TFF3: variants seen among roughly 807,000 people sequenced by gnomAD.
TFF3 encodes the protein polypeptide P1.B.
Under a neutral mutation model 9.7 loss-of-function variants are expected in TFF3, and 6 were observed. The ratio of observed to expected loss-of-function variants is 0.62; its 90% confidence interval spans 0.34 to 1.22. TFF3 has a LOEUF of 1.22. TFF3 is among the 50% of genes most tolerant of loss of function. The pLI is 0.04. For missense variants in TFF3, 93 were observed against 98.6 expected, an observed-to-expected ratio of 0.94 and a Z score of 0.24; for synonymous variants, 48 against 41.4, an observed-to-expected ratio of 1.16 and a Z score of -0.61.
rs2069342461 is a variant in TFF3, at chr21:42,313,549, C to T, written c.165G>A (p.Arg55=). 6.2e-7 allele frequency: 1 copy of T among 1,611,102 alleles called. No individual in the cohort carries two copies. Among genetic ancestry groups the T allele is most frequent in the African/African-American group, 1.3e-5 (1 of 74,896 alleles). The change falls in exon 2 of 3, where the codon CGG becomes CGA. Residue 55 remains arginine, a synonymous_variant. Coordinates refer to ENST00000518498, the MANE Select transcript of TFF3 (RefSeq NM_003226.4). This position sits in a 1 kb window ranked among gnomAD's most constrained non-coding sequence, Gnocchi z 4.0. ...PHVTPKECNN[R]GCCFDSRIPG... is the part of the protein sequence containing the mutation. ...GGATCCTGGAGTCAAAGCAGCAGCC[C>T]CGGTTGTTGCACTCCTTGGGGGTGA...
At chr21:42,314,021 A>G (rs989879881) in intron 1 of TFF3, among the ~76,000 whole-genome samples, 1 of 152,156 alleles carries the variant, frequency 6.6e-6, no homozygotes, top group Non-Finnish European at 1.5e-5. Context: ...GTTTTAAATG[A>G]AAACCGTGAC....
At chr21:42,314,797 A>G (rs1487182586) in intron 1 of TFF3, among the ~76,000 whole-genome samples, 1 of 152,184 alleles carries the variant, frequency 6.6e-6, no homozygotes, top group African/African-American at 2.4e-5. Flanking sequence ...TGCTCAGAAG[A>G]CACCCAGATA....
At chr21:42,312,961 C>G (rs934781918) in intron 2 of TFF3, among the ~76,000 whole-genome samples, 1 of 152,098 alleles carries the variant, frequency 6.6e-6, no homozygotes, top group Non-Finnish European at 1.5e-5. Flanking sequence ...GGGGAGGGAA[C>G]CCCCAGGGTG....
Position 42,313,095 on chromosome 21 carries a change from C to T in TFF3, c.229+390G>A, listed in dbSNP as rs763812862. 3.9e-5 allele frequency among the ~76,000 whole-genome samples: 6 copies of T among 152,094 alleles called. No homozygotes were observed. The highest frequency in any genetic ancestry group is 8.8e-5 in the Non-Finnish European group (6 of 67,998). Reference sequence around the variant, plus strand: ...GACGTCTAGGGCTGGGACCGCCTGCCGTCTGTGTAGGGGATGCCACAAATG... The same window carrying T: ...GACGTCTAGGGCTGGGACCGCCTGCTGTCTGTGTAGGGGATGCCACAAATG... On this transcript the variant is annotated intron_variant, in intron 2 of 2. Transcript: ENST00000518498. The surrounding 1 kb of genome is among the most constrained non-coding windows in gnomAD (Gnocchi z 4.0).
intron 1 of TFF3, 24 bp downstream of exon 1, chr21:42,315,269 C>T (rs1180999982): frequency 1.1e-5 from 18 of 1,600,484 alleles, no homozygotes; most frequent in African/African-American, 2.7e-5. Flanking sequence ...ACCCTGCCAC[C>T]GGGGCAGTCA....
Position 42,311,672 on chromosome 21 carries a change from G to A in TFF3, c.*584C>T, listed in dbSNP as rs1431538842. ...AGCAAACAAATACAAAAAAGTGCCT[G>A]TTTGTTCATAATGTTTACTGTACAA... On this transcript the variant is annotated 3_prime_UTR_variant, in exon 3 of 3. Transcript: ENST00000518498. 1 of 157,212 alleles carries A rather than the reference G, an allele frequency of 6.4e-6. No individual in the cohort carries two copies. The highest frequency in any genetic ancestry group is 1.4e-5 in the Non-Finnish European group (1 of 70,872). 9.7% of individuals were successfully genotyped at this position (157,212 alleles called of 1,614,324 possible). A position where few individuals can be genotyped will look rare whatever the true frequency, so the allele number is the denominator to read the frequency against.
In TFF3 at chr21:42,313,585, G is replaced by C; in HGVS notation, c.129C>G (p.Gly43=). 1 of 1,611,336 alleles carries C rather than the reference G, an allele frequency of 6.2e-7. No homozygotes were observed. Among genetic ancestry groups the C allele is most frequent in the Non-Finnish European group, 8.5e-7 (1 of 1,179,610 alleles). The change falls in exon 2 of 3, where the codon GGC becomes GGG. Residue 43 remains glycine (G), a synonymous_variant. Transcript: ENST00000518498. The surrounding 1 kb of genome is among the most constrained non-coding windows in gnomAD (Gnocchi z 4.0). ...ACTCCTTGGGGGTGACATGGGGGTA[G>C]CCGCAGTCCACCCTGTCCTTGGCTG... ...AVPAKDRVDC[G]YPHVTPKECN...
Position 42,313,429 on chromosome 21 carries a change from T to C in TFF3, c.229+56A>G, listed in dbSNP as rs888090317. On this transcript the variant is annotated intron_variant, in intron 2 of 2. Transcript: ENST00000518498. The surrounding 1 kb of genome is among the most constrained non-coding windows in gnomAD (Gnocchi z 4.0). ...CAGCCCAGAAAGGACAGGGAGGCCC[T>C]GAGACCCCCTGCCTTATGGGGCTGG... 1.3e-6 allele frequency: 2 copies of C among 1,550,814 alleles called. No individual in the cohort carries two copies. The highest frequency in any genetic ancestry group is 1.7e-6 in the Non-Finnish European group (2 of 1,150,074).
chr21:42,312,588 C>T (rs2069336924), intron 2 of TFF3, among the ~76,000 whole-genome samples: 2 of 152,184 alleles, frequency 1.3e-5, no homozygotes, highest in African/African-American at 4.8e-5. Context: ...CCAGACCCCT[C>T]TCTCTCCTGG....
rs1194165287 is a variant in TFF3 at position 42,313,983 on chromosome 21, T to G, written c.83-352A>C. 6.6e-6 allele frequency among the ~76,000 whole-genome samples: 1 copy of G among 152,194 alleles called. No individual in the cohort carries two copies. Among genetic ancestry groups the G allele is most frequent in the African/African-American group, 2.4e-5 (1 of 41,446 alleles). On this transcript the variant is annotated intron_variant, in intron 1 of 2. Transcript: ENST00000518498. The surrounding 1 kb of genome is among the most constrained non-coding windows in gnomAD (Gnocchi z 4.0). ...ACCCAGAAACAAAGTTACCCTTCATTGTTTGACCAACAAAACCTTGCCCCT... is the reference window on the plus strand; with the variant it reads ...ACCCAGAAACAAAGTTACCCTTCATGGTTTGACCAACAAAACCTTGCCCCT...
chr21:42,313,764 G>T lies in TFF3; in HGVS notation c.83-133C>A. Reference sequence around the variant, plus strand: ...GAGTTCAACCACTGCTGAAACCCTCGCCCTTAGGAAGATGCACTTTCCCTG... The same window carrying T: ...GAGTTCAACCACTGCTGAAACCCTCTCCCTTAGGAAGATGCACTTTCCCTG... On this transcript the variant is annotated intron_variant, in intron 1 of 2. Transcript: ENST00000518498. This position sits in a 1 kb window ranked among gnomAD's most constrained non-coding sequence, Gnocchi z 4.0. 2 of 1,039,252 alleles carry T rather than the reference G, an allele frequency of 1.9e-6. No homozygotes were observed. Among genetic ancestry groups the T allele is most frequent in the East Asian group, 2.9e-5 (1 of 33,956 alleles). 64.4% of individuals were successfully genotyped at this position (1,039,252 alleles called of 1,614,324 possible).
chr21:42,315,332 A>T lies in TFF3; in HGVS notation c.43T>A (p.Leu15Met). The change falls in exon 1 of 3, where the codon TTG becomes ATG. Residue 15 changes from leucine (L) to methionine (M), a missense_variant. Leu to Met is a conservative substitution (Grantham distance 15, BLOSUM62 2). Transcript: ENST00000518498. ...ALCMLGLVLA[L>M]LSSSSAEEYV... ...TCCTCAGCAGAGCTGGAGGACAGCA[A>T]GGCCAGGACCAGCCCCAGCATGCAG... The T allele has an allele frequency of 6.2e-7, 1 of 1,614,124 alleles. No individual in the cohort carries two copies. Among genetic ancestry groups the T allele is most frequent in the East Asian group, 2.2e-5 (1 of 44,882 alleles).
chr21:42,314,948 T>C (rs376598501), intron 1 of TFF3, among the ~76,000 whole-genome samples: 70 of 152,352 alleles, frequency 4.6e-4, no homozygotes, highest in African/African-American at 1.7e-3. Flanking sequence ...TCCTGCATCT[T>C]TCCTTTTTCT....
intron 2 of TFF3, among the ~76,000 whole-genome samples, chr21:42,312,799 G>C (rs574090040): frequency 1.9e-3 from 296 of 152,310 alleles, no homozygotes; most frequent in Middle Eastern, 6.8e-3. Flanking sequence ...TGCGGCCTTC[G>C]TGGGGGCTGA....
chr21:42,314,704 G>A (rs1195265193), intron 1 of TFF3, among the ~76,000 whole-genome samples: 1 of 152,174 alleles, frequency 6.6e-6, no homozygotes, highest in African/African-American at 2.4e-5. Flanking sequence ...TGATGTAACT[G>A]GTGTGCCCCA....
rs1371983138 is a variant in TFF3 at position 42,313,012 on chromosome 21, G to A, written c.229+473C>T. 3.3e-5 allele frequency among the ~76,000 whole-genome samples: 5 copies of A among 152,110 alleles called. No individual in the cohort carries two copies. The highest frequency in any genetic ancestry group is 2.9e-5 in the Non-Finnish European group (2 of 67,996). Reference sequence around the variant, plus strand: ...CCCTCCACCACGGCAGAGAGAGGGAGAGGAGATGACCCTTGTGGGGGGCAG... The same window carrying A: ...CCCTCCACCACGGCAGAGAGAGGGAAAGGAGATGACCCTTGTGGGGGGCAG... On this transcript the variant is annotated intron_variant, in intron 2 of 2. Coordinates refer to ENST00000518498, the MANE Select transcript of TFF3 (RefSeq NM_003226.4). This position sits in a 1 kb window ranked among gnomAD's most constrained non-coding sequence, Gnocchi z 4.0.
chr21:42,314,302 C>T (rs1490596135), intron 1 of TFF3, among the ~76,000 whole-genome samples: 2 of 152,176 alleles, frequency 1.3e-5, no homozygotes, highest in Non-Finnish European at 2.9e-5. Context: ...TCCGTAATTG[C>T]TTATCCTCCT....
Position 42,313,446 on chromosome 21 carries a change from T to G in TFF3, c.229+39A>C. 6.4e-7 allele frequency: 1 copy of G among 1,566,896 alleles called. No individual in the cohort carries two copies. The highest frequency in any genetic ancestry group is 1.2e-5 in the South Asian group (1 of 85,546). ...GGAGGCCCTGAGACCCCCTGCCTTA[T>G]GGGGCTGGGCCCAGACCACGATGCC... On this transcript the variant is annotated intron_variant, in intron 2 of 2. Transcript: ENST00000518498. This position sits in a 1 kb window ranked among gnomAD's most constrained non-coding sequence, Gnocchi z 4.0.
At chr21:42,314,564 A>G (rs2069348552) in intron 1 of TFF3, among the ~76,000 whole-genome samples, 2 of 152,224 alleles carry the variant, frequency 1.3e-5, no homozygotes. Flanking sequence ...GAGGCACAAG[A>G]ATTGCTTGAA....
Sources: allele counts gnomAD v4.1 joint callset (sites outside exome capture counted in the v4.1 genomes callset), GRCh38; gene constraint gnomAD v4.1.1; non-coding constraint Gnocchi (gnomAD v3.1); transcripts MANE v1.5; gene names NCBI Gene and HGNC (gene_info 2026-07-23, HGNC 2026-07-21).